The following MYO9A variants were observed in gnomAD, a reference collection of about 807,000 sequenced individuals.
The protein encoded by MYO9A is myosin IXA, also known as unconventional myosin-IXa.
MYO9A carries 103 observed loss-of-function variants against 293.3 expected under a neutral mutation model. The ratio of observed to expected loss-of-function variants is 0.35; its 90% CI spans 0.30 to 0.41. MYO9A has a LOEUF of 0.41. MYO9A is among the 10% of genes least tolerant of loss of function. MYO9A has a pLI of 1.00. For missense variants in MYO9A, 2,685 were observed against 3,033.0 expected (o/e 0.89, Z 2.69); for synonymous variants, 1,001 against 1,035.7 (o/e 0.97, Z 0.64).
chr15:72,110,798 T>C (rs1261686934), intron 1 of MYO9A, among the ~76,000 whole-genome samples: 1 of 152,226 alleles, frequency 6.6e-6, no homozygotes, highest in Non-Finnish European at 1.5e-5. Flanking sequence ...TGCCCTAATA[T>C]CTGCTTCTTT....
intron 15 of MYO9A, among the ~76,000 whole-genome samples, chr15:71,944,899 C>G (rs2058873636): frequency 6.6e-6 from 1 of 152,128 alleles, no homozygotes; most frequent in Non-Finnish European, 1.5e-5. Flanking sequence ...GGGTTGAATT[C>G]AATCTATAGA....
intron 39 of MYO9A, among the ~76,000 whole-genome samples, chr15:71,834,076 T>G (rs1267120713): frequency 6.6e-6 from 1 of 152,042 alleles, no homozygotes; most frequent in Non-Finnish European, 1.5e-5. Context: ...TTGAAGAGGC[T>G]AATAAAATTT....
At position 72,032,483 on chromosome 15, in the gene MYO9A, G is replaced by C. The variant is rs1286461211; in HGVS notation, c.935+11C>G. On this transcript the variant is annotated intron_variant, in intron 3 of 41. Coordinates refer to ENST00000356056, the MANE Select transcript of MYO9A (RefSeq NM_006901.4). ...CTCCAAAGCCTACGCCTGCTAAGTA[G>C]CAGTACTTACCCAAGTACAGTGCCT... is the stretch of plus-strand genomic sequence containing the variant. 1 of 1,522,104 alleles carries C rather than the reference G, an allele frequency of 6.6e-7. No homozygotes were observed. The highest frequency in any genetic ancestry group is 8.9e-7 in the Non-Finnish European group (1 of 1,120,574). The allele number at this position is 1,522,104 out of a possible 1,614,324, so 94.3% of individuals were successfully genotyped here.
rs531887050 is a variant in MYO9A, at chr15:71,833,328, T to C, written c.6838-3017A>G. Among the ~76,000 whole-genome samples, 3 of 152,160 alleles carry C rather than the reference T, an allele frequency of 2.0e-5. No individual in the cohort carries two copies. In the South Asian group the frequency reaches 6.2e-4, roughly 32 times the overall value. On this transcript the variant is annotated intron_variant, in intron 39 of 41. Transcript: ENST00000356056. Reference sequence around the variant, plus strand: ...TACCATGCAAATACCAAAATAAAGCTAGTACAGCTATATTAACTGTAAACA... The same window carrying C: ...TACCATGCAAATACCAAAATAAAGCCAGTACAGCTATATTAACTGTAAACA...
intron 32 of MYO9A, among the ~76,000 whole-genome samples, chr15:71,874,817 T>C (rs1308698034): frequency 6.6e-6 from 1 of 152,188 alleles, no homozygotes; most frequent in Non-Finnish European, 1.5e-5. Flanking sequence ...TGGCTCAACA[T>C]AGCAGCTTCT....
At chr15:71,909,545 A>G (rs2057770518) in intron 19 of MYO9A, among the ~76,000 whole-genome samples, 1 of 152,166 alleles carries the variant, frequency 6.6e-6, no homozygotes, top group South Asian at 2.1e-4. Context: ...ACATCTGTGT[A>G]CTTTCTTTGG....
chr15:72,089,790 GC>G (rs1336007498), intron 1 of MYO9A, among the ~76,000 whole-genome samples: 3 of 151,642 alleles, frequency 2.0e-5, no homozygotes, highest in Non-Finnish European at 4.4e-5. Context: ...AAAAACAAAA[GC>G]AAAAAAAACA....
At chr15:72,101,243 G>T (rs1451630029) in intron 1 of MYO9A, among the ~76,000 whole-genome samples, 1 of 125,882 alleles carries the variant, frequency 7.9e-6, no homozygotes, top group Non-Finnish European at 1.7e-5. Context: ...GGAGGGAGGT[G>T]GGGGGGTCAG....
rs187689619 is a variant in MYO9A, at chr15:72,017,248, A to G, written c.1155+1791T>C. On this transcript the variant is annotated intron_variant, in intron 6 of 41. Coordinates refer to ENST00000356056, the MANE Select transcript of MYO9A (RefSeq NM_006901.4). ...AAGCTAGTCTCAAACTCCCAGTCTC[A>G]AGCAATTCTCCCACCTCAGCTTCCA... Among the ~76,000 whole-genome samples the G allele has an allele frequency of 2.0e-5, 3 of 152,036 alleles. No homozygotes were observed. In the East Asian group the frequency reaches 5.8e-4, roughly 29 times the overall value.
intron 18 of MYO9A, among the ~76,000 whole-genome samples, chr15:71,921,654 A>G (rs2058158091): frequency 6.6e-6 from 1 of 152,228 alleles, no homozygotes; most frequent in African/African-American, 2.4e-5. Context: ...TATTTTTAAT[A>G]AAAAGTTGAA....
Position 71,959,913 on chromosome 15 carries a change from G to A in MYO9A, c.2170C>T (p.His724Tyr), listed in dbSNP as rs781327003. 2 of 1,607,906 alleles carry A rather than the reference G, an allele frequency of 1.2e-6. No individual in the cohort carries two copies. The highest frequency in any genetic ancestry group is 2.2e-5 in the East Asian group (1 of 44,524). ...AFREAGKRNIHRKTGHDDTAP... is the reference protein window; with the variant it reads ...AFREAGKRNIYRKTGHDDTAP... ...AACTACTACTTACCAGTTTTTCTGT[G>A]AATGTTTCTTTTCCCAGCTTCCCTG... The change falls in exon 14 of 42, where the codon CAC becomes TAC. Residue 724 changes from histidine (H) to tyrosine (Y), a missense_variant. Around this residue, in one of 10 missense-constraint regions of MYO9A, gnomAD observed 1,434 missense variants for 1,497.7 expected, o/e 0.96. Transcript: ENST00000356056.
chr15:71,844,490 C>A (rs2055299125), intron 39 of MYO9A, among the ~76,000 whole-genome samples: 1 of 152,082 alleles, frequency 6.6e-6, no homozygotes, highest in Non-Finnish European at 1.5e-5. Context: ...GAGTCAAATG[C>A]TCTAATGTGG....
intron 12 of MYO9A, among the ~76,000 whole-genome samples, chr15:71,976,426 G>A (rs1567338383): frequency 6.6e-6 from 1 of 152,126 alleles, no homozygotes; most frequent in African/African-American, 2.4e-5. Flanking sequence ...TACTTGACAG[G>A]TTTGACTCTC....
intron 41 of MYO9A, among the ~76,000 whole-genome samples, chr15:71,827,261 A>G (rs567316807): frequency 9.8e-5 from 15 of 152,316 alleles, no homozygotes; most frequent in African/African-American, 3.4e-4. Context: ...GTGTTTGACT[A>G]TGCCATCAGC....
intron 28 of MYO9A, among the ~76,000 whole-genome samples, chr15:71,881,474 A>G (rs1176890358): frequency 6.6e-6 from 1 of 152,164 alleles, no homozygotes; most frequent in African/African-American, 2.4e-5. Context: ...AATTTCAACT[A>G]TGACACAAGA....
chr15:71,882,807 T>TA (rs1409016497), intron 28 of MYO9A, among the ~76,000 whole-genome samples: 2 of 152,004 alleles, frequency 1.3e-5, no homozygotes, highest in Non-Finnish European at 2.9e-5. Context: ...AACTTTTCTT[T>TA]TTTATTTATT....
At chr15:72,019,579 G>A (rs144211638) in intron 5 of MYO9A, among the ~76,000 whole-genome samples, 1 of 152,240 alleles carries the variant, frequency 6.6e-6, no homozygotes, top group Non-Finnish European at 1.5e-5. Context: ...TTAATTCTAT[G>A]TGTAAAAATT....
chr15:72,077,752 A>AAAT (rs2079412621), intron 1 of MYO9A, among the ~76,000 whole-genome samples: 1 of 72,492 alleles, frequency 1.4e-5, no homozygotes, highest in African/African-American at 7.8e-5. Context: ...AAAAAAAAAA[A>AAAT]ATATATATAT....
At chr15:71,889,736 T>C (rs548798257) in intron 26 of MYO9A, 6 of 152,090 alleles carry the variant, frequency 3.9e-5, no homozygotes, top group Non-Finnish European at 5.9e-5. Context: ...TAAAAAAGAC[T>C]GATTTCCCTA....
Sources: allele counts gnomAD v4.1 joint callset (sites outside exome capture counted in the v4.1 genomes callset), GRCh38; gene constraint gnomAD v4.1.1; regional missense constraint gnomAD v4.1.1; transcripts MANE v1.5; gene names NCBI Gene and HGNC (gene_info 2026-07-23, HGNC 2026-07-21).